FUT9: variants seen among roughly 807,000 people sequenced by gnomAD.
FUT9 encodes the protein 4-galactosyl-N-acetylglucosaminide 3-alpha-L-fucosyltransferase 9.
Under a neutral mutation model 29.7 loss-of-function variants are expected in FUT9, and 15 were observed. The ratio of observed to expected loss-of-function variants is 0.51; its 90% CI spans 0.34 to 0.78. The LOEUF (loss-of-function observed/expected upper bound fraction) is 0.78. Among genes scored for constraint, FUT9 ranks in the 30% least tolerant of loss-of-function variants. The pLI is 0.01. For missense variants in FUT9, 319 were observed against 425.4 expected (o/e 0.75, Z 2.20); for synonymous variants, 169 against 153.7 (o/e 1.10, Z -0.74).
At chr6:96,077,019 T>G (rs911204227) in intron 1 of FUT9, among the ~76,000 whole-genome samples, 1 of 152,128 alleles carries the variant, frequency 6.6e-6, no homozygotes, top group African/African-American at 2.4e-5. Context: ...ATACAAAAAG[T>G]CTAGTAAAGG....
At chr6:96,068,373 T>C (rs189283051) in intron 1 of FUT9, among the ~76,000 whole-genome samples, 3 of 152,266 alleles carry the variant, frequency 2.0e-5, no homozygotes, top group Admixed American at 6.5e-5. Flanking sequence ...AGAGATATAC[T>C]AGAAGACCAT....
At chr6:96,046,510 T>C (rs949678219) in intron 1 of FUT9, among the ~76,000 whole-genome samples, 1 of 152,146 alleles carries the variant, frequency 6.6e-6, no homozygotes, top group Non-Finnish European at 1.5e-5. Flanking sequence ...CTCCTTCCTT[T>C]CTAAGTTTCT....
chr6:96,088,274 T>C (rs989405689), intron 1 of FUT9, among the ~76,000 whole-genome samples: 17 of 151,916 alleles, frequency 1.1e-4, no homozygotes, highest in African/African-American at 4.1e-4. Flanking sequence ...AATAAAAAAA[T>C]AAAATGTTCT....
At chr6:96,062,764 A>T (rs556631452) in intron 1 of FUT9, among the ~76,000 whole-genome samples, 40 of 152,284 alleles carry the variant, frequency 2.6e-4, no homozygotes, top group African/African-American at 8.7e-4. Context: ...TTATAAAAAT[A>T]AGAGGAAAAT....
chr6:96,100,829 G>A (rs536061577), intron 1 of FUT9, among the ~76,000 whole-genome samples: 1 of 152,138 alleles, frequency 6.6e-6, no homozygotes, highest in Non-Finnish European at 1.5e-5. Context: ...ACACACCGTT[G>A]TAAAATCTGT....
At chr6:96,055,344 G>T (rs1160551123) in intron 1 of FUT9, among the ~76,000 whole-genome samples, 1 of 150,958 alleles carries the variant, frequency 6.6e-6, no homozygotes, top group East Asian at 1.9e-4. Flanking sequence ...CCAATAACTA[G>T]GATAATAATT....
At chr6:96,108,556 G>A (rs1037298211) in intron 1 of FUT9, among the ~76,000 whole-genome samples, 3 of 152,102 alleles carry the variant, frequency 2.0e-5, no homozygotes, top group Admixed American at 2.0e-4. Context: ...GCGTTAATGA[G>A]AATCAAGCTC....
rs1037303554 is a variant in FUT9 at position 96,040,118 on chromosome 6, G to T, written c.-98+23906G>T. Among the ~76,000 whole-genome samples the T allele has an allele frequency of 3.3e-5, 5 of 152,100 alleles. No individual in the cohort carries two copies. In the East Asian group the frequency reaches 5.8e-4, roughly 18 times the overall value. Reference sequence around the variant, plus strand: ...TATAAAATTTTTAAATTTCTGACTTGTTCTGAATATTGAATGCTATATTGT... The same window carrying T: ...TATAAAATTTTTAAATTTCTGACTTTTTCTGAATATTGAATGCTATATTGT... On this transcript the variant is annotated intron_variant, in intron 1 of 2. Transcript: ENST00000302103.
rs78355652 is a variant in FUT9, at chr6:96,110,948, C to G, written c.-97-3091C>G. ...AAAGTACTGGGATTACAGGCATGAG[C>G]GACTGTGCTTGGCCTGTTCTTTCTA... is the stretch of plus-strand genomic sequence containing the variant. On this transcript the variant is annotated intron_variant, in intron 1 of 2. Transcript: ENST00000302103. Among the ~76,000 whole-genome samples the G allele has an allele frequency of 6.7e-4, 102 of 152,084 alleles. 2 individuals are homozygous for G. In the East Asian group the frequency reaches 0.016, roughly 25 times the overall value.
intron 1 of FUT9, among the ~76,000 whole-genome samples, chr6:96,107,740 C>T (rs1348866732): frequency 2.0e-5 from 3 of 152,136 alleles, no homozygotes; most frequent in Non-Finnish European, 4.4e-5. Flanking sequence ...TCGCCTCCAG[C>T]AACTCAGCAT....
chr6:96,127,821 G>A (rs1306178493), intron 2 of FUT9, among the ~76,000 whole-genome samples: 2 of 152,074 alleles, frequency 1.3e-5, no homozygotes, highest in Non-Finnish European at 1.5e-5. Context: ...CCATGTGTAT[G>A]TCTTCTTTTG....
intron 1 of FUT9, among the ~76,000 whole-genome samples, chr6:96,060,473 A>C (rs1770853685): frequency 6.6e-6 from 1 of 152,108 alleles, no homozygotes; most frequent in South Asian, 2.1e-4. Flanking sequence ...CATTTAAGTA[A>C]ATTTTTATAT....
chr6:96,185,238 T>A (rs1161726545), intron 2 of FUT9, among the ~76,000 whole-genome samples: 1 of 151,982 alleles, frequency 6.6e-6, no homozygotes, highest in African/African-American at 2.4e-5. Context: ...AAGACCAACA[T>A]CATTTATAAT....
chr6:96,185,169 G>A (rs369798086), intron 2 of FUT9, among the ~76,000 whole-genome samples: 333 of 151,372 alleles, frequency 2.2e-3, no homozygotes, highest in African/African-American at 7.8e-3. Flanking sequence ...TTTAACAGAA[G>A]GAATGAAAGG....
At chr6:96,024,577 T>C (rs995361810) in intron 1 of FUT9, among the ~76,000 whole-genome samples, 54 of 151,694 alleles carry the variant, frequency 3.6e-4, no homozygotes, top group African/African-American at 1.2e-3. Context: ...GGGTATGGGG[T>C]TTGTGACCTC....
Position 96,210,674 on chromosome 6 carries a change from G to A in FUT9, c.*6439G>A, listed in dbSNP as rs1213955738. On this transcript the variant is annotated 3_prime_UTR_variant, in exon 3 of 3. Transcript: ENST00000302103. ...TTTTGCAACAGGAAAGACTGGTCTA[G>A]ACAATTACTAGGATATATGCTTCTG... The A allele has an allele frequency of 6.0e-6, 1 of 166,886 alleles. No individual in the cohort carries two copies. The highest frequency in any genetic ancestry group is 1.5e-5 in the Non-Finnish European group (1 of 68,024). 10.3% of individuals were successfully genotyped at this position (166,886 alleles called of 1,614,324 possible).
chr6:96,031,709 AT>A (rs1400757838), intron 1 of FUT9, among the ~76,000 whole-genome samples: 1 of 151,570 alleles, frequency 6.6e-6, no homozygotes, highest in Non-Finnish European at 1.5e-5. Context: ...TGATTAGTAC[AT>A]TTTGAAGAAT....
At chr6:96,031,305 T>C (rs775664472) in intron 1 of FUT9, among the ~76,000 whole-genome samples, 1 of 151,546 alleles carries the variant, frequency 6.6e-6, no homozygotes, top group Non-Finnish European at 1.5e-5. Context: ...CACATCTATA[T>C]TAATGAAATC....
rs1262389794 is a variant in FUT9, at chr6:96,206,193, C to T, written c.*1958C>T. On this transcript the variant is annotated 3_prime_UTR_variant, in exon 3 of 3. Transcript: ENST00000302103. ...TTTCCCCAATTGCTTAGCTGTTTGA[C>T]ATGTTTCTGAGCTGCAAACTTTGTC... The T allele has an allele frequency of 3.0e-5, 5 of 167,070 alleles. No individual in the cohort carries two copies. Among genetic ancestry groups the T allele is most frequent in the African/African-American group, 1.2e-4 (5 of 41,436 alleles). 10.3% of individuals were successfully genotyped at this position (167,070 alleles called of 1,614,324 possible). A position where few individuals can be genotyped will look rare whatever the true frequency, so the allele number is the denominator to read the frequency against.
Sources: gnomAD v4.1 joint callset for allele counts (sites outside exome capture counted in the v4.1 genomes callset) on GRCh38, gnomAD v4.1.1 for gene constraint, MANE v1.5 for transcripts, NCBI Gene and HGNC (gene_info 2026-07-23, HGNC 2026-07-21) for gene names.